The following COL5A1 variants were observed in gnomAD, a reference collection of about 807,000 sequenced individuals.
COL5A1 encodes collagen alpha-1(V) chain.
A neutral mutation model predicts 263.7 loss-of-function variants in COL5A1; 16 were observed. The ratio of observed to expected loss-of-function variants is 0.06; its 90% CI spans 0.04 to 0.09. The LOEUF is 0.09. Among genes scored for constraint, COL5A1 ranks in the 10% least tolerant of loss-of-function variants. COL5A1 has a pLI of 1.00. For missense variants in COL5A1, 2,036 were observed against 2,540.5 expected (o/e 0.80, Z 4.27); for synonymous variants, 1,012 against 1,004.5 (o/e 1.01, Z -0.14).
At chr9:134,662,376 G>T (rs1832236331) in intron 1 of COL5A1, among the ~76,000 whole-genome samples, 1 of 152,226 alleles carries the variant, frequency 6.6e-6, no homozygotes, top group South Asian at 2.1e-4. Context: ...TTCCAGCCCA[G>T]TCCGGCTGCC....
chr9:134,766,349 G>A lies in COL5A1; in HGVS notation c.2089-105G>A, dbSNP rs113511247. ...CAGAGAGCATCCCGTCCTCTGATTC[G>A]TCGTGGGATGGGCGTCTGAGCTGAG... On this transcript the variant is annotated intron_variant, in intron 21 of 65. Coordinates refer to ENST00000371817, the MANE Select transcript of COL5A1 (RefSeq NM_000093.5). 7.1e-4 allele frequency: 793 copies of A among 1,122,822 alleles called. 3 individuals are homozygous for A. In the African/African-American group the frequency reaches 9.7e-3, roughly 14 times the overall value. The allele number at this position is 1,122,822 out of a possible 1,614,324, so 69.6% of individuals were successfully genotyped here. A position where few individuals can be genotyped will look rare whatever the true frequency, so the allele number is the denominator to read the frequency against.
chr9:134,646,705 A>G (rs1029879913), intron 1 of COL5A1, among the ~76,000 whole-genome samples: 26 of 152,108 alleles, frequency 1.7e-4, no homozygotes, highest in African/African-American at 6.3e-4. Context: ...AGCTCTGCAG[A>G]CAGCTCCACA....
rs1270070403 is a variant in COL5A1 at position 134,700,942 on chromosome 9, A to T, written c.492-229A>T. ...TCCCGGCTGGGCTTCCAGGGTTCAG[A>T]CAGCCATCCTTGTCTGAGGGACGAG... On this transcript the variant is annotated intron_variant, in intron 3 of 65. Coordinates refer to ENST00000371817, the MANE Select transcript of COL5A1 (RefSeq NM_000093.5). The surrounding 1 kb of genome is among the most constrained non-coding windows in gnomAD (Gnocchi z 4.0). 6.6e-6 allele frequency among the ~76,000 whole-genome samples: 1 copy of T among 151,944 alleles called. No individual in the cohort carries two copies. Among genetic ancestry groups the T allele is most frequent in the Non-Finnish European group, 1.5e-5 (1 of 67,992 alleles).
At chr9:134,665,193 C>T (rs547016974) in intron 1 of COL5A1, among the ~76,000 whole-genome samples, 3 of 152,262 alleles carry the variant, frequency 2.0e-5, no homozygotes, top group South Asian at 2.1e-4. Context: ...AGAGAGACTC[C>T]GTCTCAAAAC....
At chr9:134,831,735 A>G (rs975204251) in intron 64 of COL5A1, among the ~76,000 whole-genome samples, 50 of 152,244 alleles carry the variant, frequency 3.3e-4, no homozygotes, top group African/African-American at 1.2e-3. Context: ...TGGGAAAAGC[A>G]GAAAGAGCCT....
chr9:134,739,729 C>T (rs1413657228), intron 11 of COL5A1, among the ~76,000 whole-genome samples: 1 of 152,058 alleles, frequency 6.6e-6, no homozygotes, highest in African/African-American at 2.4e-5. Context: ...TAAGTCCTGG[C>T]CTTGGACCTG....
chr9:134,708,936 A>G, intron 4 of COL5A1: 1 of 456,504 alleles, frequency 2.2e-6, no homozygotes, highest in South Asian at 1.5e-5. Flanking sequence ...ACGTCGCCCC[A>G]GCTTCTGCCT....
At position 134,681,359 on chromosome 9, in the gene COL5A1, C is replaced by G. The variant is rs1003119599; in HGVS notation, c.110-9553C>G. Among the ~76,000 whole-genome samples the G allele has an allele frequency of 6.6e-5, 10 of 152,250 alleles. No homozygotes were observed. The highest frequency in any genetic ancestry group is 1.5e-4 in the Non-Finnish European group (10 of 68,052). On this transcript the variant is annotated intron_variant, in intron 1 of 65. Coordinates refer to ENST00000371817, the MANE Select transcript of COL5A1 (RefSeq NM_000093.5). This position sits in a 1 kb window ranked among gnomAD's most constrained non-coding sequence, Gnocchi z 4.3. Reference sequence around the variant, plus strand: ...CAGAGCAAATTGATGGCTTCGTGAACAATTTCTGCGAGCATCTGCGGGTGC... The same window carrying G: ...CAGAGCAAATTGATGGCTTCGTGAAGAATTTCTGCGAGCATCTGCGGGTGC...
intron 9 of COL5A1, chr9:134,732,502 C>T (rs1446659127): frequency 2.0e-5 from 8 of 407,478 alleles, no homozygotes; most frequent in South Asian, 8.3e-5. Flanking sequence ...TGGCCCATTC[C>T]GTGTAAAAGA....
At chr9:134,828,728 GACAC>G (rs370979639) in intron 63 of COL5A1, among the ~76,000 whole-genome samples, 1 of 14,736 alleles carries the variant, frequency 6.8e-5, no homozygotes, top group African/African-American at 1.2e-4. Context: ...CCACACATCA[GACAC>G]ACAGATACCA....
At chr9:134,657,318 G>A (rs1348942150) in intron 1 of COL5A1, among the ~76,000 whole-genome samples, 1 of 96,634 alleles carries the variant, frequency 1.0e-5, no homozygotes, top group Non-Finnish European at 2.1e-5. Context: ...TGGGGGTGGG[G>A]TGTAGGTGTA....
At chr9:134,736,778 C>A (rs1259516221) in intron 9 of COL5A1, among the ~76,000 whole-genome samples, 1 of 152,216 alleles carries the variant, frequency 6.6e-6, no homozygotes. Context: ...GGGAATGAAA[C>A]AAGCCTCATG....
rs1834251986 is a variant in COL5A1 at position 134,716,060 on chromosome 9, TG to T, written c.655-11204del. 6.6e-6 allele frequency among the ~76,000 whole-genome samples: 1 copy of T among 151,934 alleles called. No homozygotes were observed. The highest frequency in any genetic ancestry group is 1.5e-5 in the Non-Finnish European group (1 of 67,954). On this transcript the variant is annotated intron_variant, in intron 4 of 65. Coordinates refer to ENST00000371817, the MANE Select transcript of COL5A1 (RefSeq NM_000093.5). The surrounding 1 kb of genome is among the most constrained non-coding windows in gnomAD (Gnocchi z 4.5). ...GTTTTGGTGCTGGTAGCACTGCTGG[TG>T]GTGGTCATGATGCTAGCAGTGTGGT... is the stretch of plus-strand genomic sequence containing the variant.
chr9:134,748,673 A>G (rs1248214105), intron 11 of COL5A1, among the ~76,000 whole-genome samples: 1 of 152,226 alleles, frequency 6.6e-6, no homozygotes. Context: ...GGCAGTATCC[A>G]TTAGCAATTC....
chr9:134,664,754 A>G (rs898842467), intron 1 of COL5A1, among the ~76,000 whole-genome samples: 15 of 152,178 alleles, frequency 9.9e-5, no homozygotes, highest in African/African-American at 3.4e-4. Context: ...GGCAATATCT[A>G]TCCAAGCATT....
intron 1 of COL5A1, among the ~76,000 whole-genome samples, chr9:134,685,605 A>AT (rs1833037728): frequency 1.6e-5 from 1 of 61,506 alleles, no homozygotes; most frequent in African/African-American, 5.5e-5. Flanking sequence ...CCATCCATCC[A>AT]TCATCCATCC....
rs376478864 is a variant in COL5A1, at chr9:134,758,257, C to T, written c.1896C>T (p.Phe632=). 4.1e-5 allele frequency: 66 copies of T among 1,613,832 alleles called. No individual in the cohort carries two copies. Among genetic ancestry groups the T allele is most frequent in the Admixed American group, 2.5e-4 (15 of 59,994 alleles). ...GQTGPKGDRG[F]DGLAGLPGEK... The stretch of plus-strand genomic sequence containing the variant: ...CCTTTTTGCAGGGTGACCGGGGTTT[C>T]GACGGCCTGGCTGGGTTGCCAGGCG... The change falls in exon 18 of 66, where the codon TTC becomes TTT. Residue 632 remains phenylalanine (F), a synonymous_variant. Transcript: ENST00000371817. This position sits in a 1 kb window ranked among gnomAD's most constrained non-coding sequence, Gnocchi z 4.1.
In COL5A1 at chr9:134,814,873, C is replaced by T. The variant is rs140797509; in HGVS notation, c.3983C>T (p.Pro1328Leu). The part of the protein sequence containing the change: ...GAAGPPGPKG[P>L]PGDDGPKGSP... ...GCCGGACCCCCTGGACCCAAAGGCCCTCCCGGAGATGATGGTCCCAAAGGC... is the reference window on the plus strand; with the variant it reads ...GCCGGACCCCCTGGACCCAAAGGCCTTCCCGGAGATGATGGTCCCAAAGGC... The change falls in exon 50 of 66, where the codon CCT becomes CTT. Residue 1328 changes from proline to leucine, a missense_variant. Physicochemically the swap from Pro to Leu is moderately conservative, Grantham distance 98. Coordinates refer to ENST00000371817, the MANE Select transcript of COL5A1 (RefSeq NM_000093.5). 5 of 1,551,244 alleles carry T rather than the reference C, an allele frequency of 3.2e-6. No homozygotes were observed. Among genetic ancestry groups the T allele is most frequent in the Non-Finnish European group, 4.4e-6 (5 of 1,147,028 alleles).
At chr9:134,733,633 G>C (rs914041236) in intron 9 of COL5A1, among the ~76,000 whole-genome samples, 2 of 152,228 alleles carry the variant, frequency 1.3e-5, no homozygotes, top group African/African-American at 4.8e-5. Flanking sequence ...GAAAACCTCA[G>C]AGCCAGGCCT....
Sources: gnomAD v4.1 joint callset for allele counts (sites outside exome capture counted in the v4.1 genomes callset) on GRCh38, gnomAD v4.1.1 for gene constraint, Gnocchi (gnomAD v3.1) non-coding constraint, MANE v1.5 for transcripts, NCBI Gene and HGNC (gene_info 2026-07-23, HGNC 2026-07-21) for gene names.